CHRNA5: variants seen among roughly 807,000 people sequenced by gnomAD.
The protein encoded by CHRNA5 is cholinergic receptor nicotinic alpha 5 subunit.
A neutral mutation model predicts 41.2 loss-of-function variants in CHRNA5; 28 were observed. That is an observed-to-expected ratio of 0.68 (90% CI 0.50 to 0.93). The LOEUF (loss-of-function observed/expected upper bound fraction) is 0.93. Ranked by LOEUF, CHRNA5 falls within the 40% of genes least tolerant of loss-of-function variation. The pLI, the probability that CHRNA5 is intolerant of heterozygous loss-of-function variation, is 0.00. For missense variants in CHRNA5, 481 were observed against 581.9 expected, an observed-to-expected ratio of 0.83 and a Z score of 1.78; for synonymous variants, 188 against 205.8, an observed-to-expected ratio of 0.91 and a Z score of 0.74.
intron 3 of CHRNA5, 35 bp downstream of exon 3, chr15:78,586,724 G>C (rs144060843): frequency 6.7e-7 from 1 of 1,482,102 alleles, no homozygotes; most frequent in Non-Finnish European, 9.4e-7. Context: ...CACCCAATTA[G>C]TGACTGGGAC....
intron 4 of CHRNA5, 26 bp from the exon 5 acceptor site, chr15:78,589,776 CATT>C (rs1824570289): frequency 1.4e-6 from 2 of 1,465,588 alleles, no homozygotes; most frequent in African/African-American, 1.4e-5. Flanking sequence ...TTAATTTCTG[CATT>C]GTTATTTTAT....
Position 78,580,809 on chromosome 15 carries a change from A to T in CHRNA5, c.107-2A>T. 1 of 1,607,576 alleles carries T rather than the reference A, an allele frequency of 6.2e-7. No individual in the cohort carries two copies. The highest frequency in any genetic ancestry group is 8.5e-7 in the Non-Finnish European group (1 of 1,175,756). The stretch of plus-strand genomic sequence containing the variant: ...ATTAACTTTTAAAAATTTGTTATAC[A>T]GGATTATCTGAACCTTCTTCTATTG... On this transcript the variant is annotated splice_acceptor_variant, in intron 1 of 5. Coordinates refer to ENST00000299565, the Ensembl canonical transcript of CHRNA5. LOFTEE classifies it high-confidence loss of function.
intron 1 of CHRNA5, among the ~76,000 whole-genome samples, chr15:78,580,362 A>G (rs928510497): frequency 6.7e-6 from 1 of 149,874 alleles, no homozygotes; most frequent in African/African-American, 2.4e-5. Flanking sequence ...TTGCTTTAGT[A>G]TATCTGTTTT....
At chr15:78,570,223 T>G (rs893186785) in intron 1 of CHRNA5, among the ~76,000 whole-genome samples, 1 of 152,068 alleles carries the variant, frequency 6.6e-6, no homozygotes, top group African/African-American at 2.4e-5. Flanking sequence ...TTGTTCTCCT[T>G]TGAGGAAACA....
chr15:78,569,768 C>A lies in CHRNA5; in HGVS notation c.106+3943C>A, dbSNP rs2052783566. On this transcript the variant is annotated intron_variant, in intron 1 of 5. Transcript: ENST00000299565. ...TTTGAAAGAAGTTTAGAATTTGTTT[C>A]TTTAAACATCTGTTCCACAGAACAG... 5.3e-5 allele frequency among the ~76,000 whole-genome samples: 8 copies of A among 150,912 alleles called. 1 individual carries two copies. The South Asian group carries it at 1.7e-3, about 32-fold the overall frequency.
intron 1 of CHRNA5, among the ~76,000 whole-genome samples, chr15:78,571,063 C>T (rs1249402227): frequency 2.0e-5 from 3 of 152,200 alleles, no homozygotes; most frequent in African/African-American, 7.2e-5. Flanking sequence ...CCTCAGAACG[C>T]AGATGCTGAT....
At chr15:78,582,794 G>A (rs577012199) in intron 2 of CHRNA5, among the ~76,000 whole-genome samples, 2 of 152,328 alleles carry the variant, frequency 1.3e-5, no homozygotes, top group African/African-American at 2.4e-5. Flanking sequence ...CTGTACAGCT[G>A]TTTAGATCAA....
rs199898580 is a variant in CHRNA5 at position 78,565,522 on chromosome 15, A to G, written c.-198A>G. 3.4e-5 allele frequency: 7 copies of G among 203,810 alleles called. No homozygotes were observed. Among genetic ancestry groups the G allele is most frequent in the East Asian group, 2.5e-4 (2 of 7,850 alleles). 12.6% of individuals were successfully genotyped at this position (203,810 alleles called of 1,614,324 possible). ...GGGGCTAGGCGCCGGGAGCTTCCAC[A>G]TGCGTCCCGAGCCCGCCAGAAGCTG... is the stretch of plus-strand genomic sequence containing the variant. On this transcript the variant is annotated 5_prime_UTR_variant, in exon 1 of 6. An upstream start codon of the reference 5' UTR is lost. Coordinates refer to ENST00000299565, the Ensembl canonical transcript of CHRNA5.
chr15:78,574,785 G>T (rs868688062), intron 1 of CHRNA5, among the ~76,000 whole-genome samples: 1 of 151,998 alleles, frequency 6.6e-6, no homozygotes, highest in Non-Finnish European at 1.5e-5. Flanking sequence ...TTCAAGACCA[G>T]CCTGAGCAAC....
In CHRNA5 at chr15:78,580,990, A is replaced by G. The variant is rs564993533; in HGVS notation, c.258+28A>G. On this transcript the variant is annotated intron_variant, in intron 2 of 5. Coordinates refer to ENST00000299565, the Ensembl canonical transcript of CHRNA5. ...AGGTGTGCATATCCTTCTATAGTCAATTTCCCACAGATTTAGTGAGAGCCT... is the reference window on the plus strand; with the variant it reads ...AGGTGTGCATATCCTTCTATAGTCAGTTTCCCACAGATTTAGTGAGAGCCT... The G allele has an allele frequency of 2.5e-6, 4 of 1,601,730 alleles. 1 individual carries two copies. The South Asian group carries it at 3.3e-5, about 13-fold the overall frequency.
At chr15:78,575,982 G>A (rs1179139318) in intron 1 of CHRNA5, among the ~76,000 whole-genome samples, 1 of 152,004 alleles carries the variant, frequency 6.6e-6, no homozygotes, top group Non-Finnish European at 1.5e-5. Context: ...TTTAAAAATT[G>A]GATTATTGAA....
At chr15:78,593,328 G>A (rs1456518727) in exon 6 of CHRNA5, 4 of 1,390,682 alleles carry the variant, frequency 2.9e-6, no homozygotes, top group African/African-American at 2.9e-5. Context: ...TTATGAAAAT[G>A]TAAGTTATGT....
chr15:78,580,441 A>G (rs1252767407), intron 1 of CHRNA5, among the ~76,000 whole-genome samples: 3 of 151,920 alleles, frequency 2.0e-5, no homozygotes, highest in Non-Finnish European at 4.4e-5. Context: ...TTTAGATTTG[A>G]AACTATTCTG....
intron 2 of CHRNA5, among the ~76,000 whole-genome samples, chr15:78,584,247 T>C (rs190899546): frequency 1.1e-4 from 16 of 152,342 alleles, no homozygotes; most frequent in Non-Finnish European, 4.4e-5. Flanking sequence ...ATTCCTGCCT[T>C]ATTTCCCACA....
At chr15:78,586,920 G>A (rs1471724738) in intron 3 of CHRNA5, among the ~76,000 whole-genome samples, 1 of 152,104 alleles carries the variant, frequency 6.6e-6, no homozygotes, top group African/African-American at 2.4e-5. Flanking sequence ...CACTGTTATG[G>A]GGAAACAGCA....
intron 4 of CHRNA5, chr15:78,589,601 C>G: frequency 2.1e-6 from 1 of 474,072 alleles, no homozygotes; most frequent in East Asian, 3.3e-5. Flanking sequence ...AGAAGGGGTT[C>G]AGTTCTAGTA....
intron 1 of CHRNA5, among the ~76,000 whole-genome samples, chr15:78,571,212 C>G (rs921318008): frequency 1.3e-5 from 2 of 152,196 alleles, no homozygotes; most frequent in Non-Finnish European, 2.9e-5. Flanking sequence ...GGTGAACTCT[C>G]AAGGGAAGCC....
At chr15:78,567,656 C>T (rs1035358099) in intron 1 of CHRNA5, among the ~76,000 whole-genome samples, 1 of 152,184 alleles carries the variant, frequency 6.6e-6, no homozygotes, top group Non-Finnish European at 1.5e-5. Flanking sequence ...CTTTGTATCG[C>T]CAACACCTGC....
At chr15:78,593,397 A>G in exon 6 of CHRNA5, 4 of 737,734 alleles carry the variant, frequency 5.4e-6, no homozygotes, top group Non-Finnish European at 8.1e-6. Context: ...ATGTTAACAG[A>G]TGATCCATTT....
Sources: gnomAD v4.1 joint callset for allele counts (sites outside exome capture counted in the v4.1 genomes callset) on GRCh38, gnomAD v4.1.1 for gene constraint, MANE v1.5 for transcripts, NCBI Gene and HGNC (gene_info 2026-07-23, HGNC 2026-07-21) for gene names.